DNAH14: variants seen among roughly 807,000 people sequenced by gnomAD.
DNAH14 encodes dynein axonemal heavy chain 14, also known as axonemal beta dynein heavy chain 14.
Under a neutral mutation model 520.9 loss-of-function variants are expected in DNAH14, and 478 were observed. The ratio of observed to expected loss-of-function variants is 0.92; its 90% CI spans 0.85 to 0.99. The LOEUF (loss-of-function observed/expected upper bound fraction) is 0.99. Among genes scored for constraint, DNAH14 ranks in the 50% least tolerant of loss-of-function variants. The pLI, the probability that DNAH14 is intolerant of heterozygous loss-of-function variation, is 0.00. For missense variants in DNAH14, 4,831 were observed against 5,234.5 expected, an observed-to-expected ratio of 0.92 and a Z score of 2.38; for synonymous variants, 1,581 against 1,757.2, an observed-to-expected ratio of 0.90 and a Z score of 2.51.
chr1:225,079,683 T>C, intron 18 of DNAH14, 135 bp downstream of exon 18: 1 of 642,944 alleles, frequency 1.6e-6, no homozygotes, highest in South Asian at 2.7e-5. Flanking sequence ...TTTTTTTTTT[T>C]TTTTTTTTGA....
intron 28 of DNAH14, among the ~76,000 whole-genome samples, chr1:225,141,595 T>A (rs1402356929): frequency 6.6e-6 from 1 of 152,168 alleles, no homozygotes; most frequent in African/African-American, 2.4e-5. Context: ...TTTTACTTCT[T>A]TCTGCTTTGT....
chr1:225,082,330 C>T (rs1043849281), intron 19 of DNAH14, among the ~76,000 whole-genome samples: 12 of 152,050 alleles, frequency 7.9e-5, no homozygotes, highest in African/African-American at 2.7e-4. Flanking sequence ...TTTTAGTCAC[C>T]TGTCCTTATA....
chr1:225,362,353 T>G (rs975981117), intron 75 of DNAH14, among the ~76,000 whole-genome samples: 2 of 152,194 alleles, frequency 1.3e-5, no homozygotes, highest in Admixed American at 6.5e-5. Flanking sequence ...GGCAGGCAGA[T>G]CACCTGAAGT....
At chr1:225,397,363 C>T in intron 84 of DNAH14, 1 of 152,534 alleles carries the variant, frequency 6.6e-6, no homozygotes, top group Non-Finnish European at 1.5e-5. Context: ...CCAGAGTGGA[C>T]AACACAGAAG....
chr1:225,043,553 A>G (rs548800828), intron 13 of DNAH14, among the ~76,000 whole-genome samples, 191 bp from the exon 14 acceptor site: 9 of 152,164 alleles, frequency 5.9e-5, no homozygotes, highest in Non-Finnish European at 1.3e-4. Flanking sequence ...AACATCTAGG[A>G]TGTTTGTCCT....
intron 73 of DNAH14, chr1:225,357,989 T>G: frequency 3.5e-6 from 2 of 568,558 alleles, no homozygotes; most frequent in Admixed American, 6.4e-5. Flanking sequence ...CCAAAATCTT[T>G]TAGTCCATCT....
chr1:225,373,097 T>C (rs2095637953), intron 77 of DNAH14, among the ~76,000 whole-genome samples: 1 of 149,942 alleles, frequency 6.7e-6, no homozygotes, highest in South Asian at 2.1e-4. Context: ...ATATGAATTC[T>C]TACAGCCACT....
At position 225,240,023 on chromosome 1, in the gene DNAH14, ACT is replaced by A. The variant is rs572684641; in HGVS notation, c.6519-564_6519-563del. 2.9e-3 allele frequency among the ~76,000 whole-genome samples: 446 copies of A among 152,196 alleles called. 2 individuals are homozygous for A. Among genetic ancestry groups the A allele is most frequent in the African/African-American group, 0.01 (416 of 41,538 alleles). The stretch of plus-strand genomic sequence containing the variant: ...TCTGGGTTAATCCAGAGTGGAGAAG[ACT>A]CTCTCCAGATTCAGACTGCCTGGCT... On this transcript the variant is annotated intron_variant, in intron 42 of 85. Transcript: ENST00000682510.
At chr1:225,035,750 G>T (rs1187922445) in intron 11 of DNAH14, among the ~76,000 whole-genome samples, 1 of 151,988 alleles carries the variant, frequency 6.6e-6, no homozygotes, top group East Asian at 1.9e-4. Flanking sequence ...TTTTTGATCT[G>T]ACATATGGTC....
At chr1:225,303,741 C>T (rs1031085019) in intron 57 of DNAH14, among the ~76,000 whole-genome samples, 13 of 152,088 alleles carry the variant, frequency 8.5e-5, no homozygotes, top group Non-Finnish European at 2.9e-5. Flanking sequence ...GCAGTGAGAG[C>T]ACAAGCCACA....
chr1:225,189,634 G>GA (rs996128128), intron 37 of DNAH14, among the ~76,000 whole-genome samples: 2 of 151,442 alleles, frequency 1.3e-5, no homozygotes, highest in Non-Finnish European at 3.0e-5. Context: ...CATCTTGCTT[G>GA]AAAAAATCTT....
intron 17 of DNAH14, among the ~76,000 whole-genome samples, chr1:225,054,084 G>A (rs1222582662): frequency 1.3e-5 from 2 of 152,172 alleles, no homozygotes; most frequent in Non-Finnish European, 2.9e-5. Flanking sequence ...AGACGTTAAT[G>A]CCGGGTCAGA....
chr1:225,206,203 T>G (rs2087531303), intron 40 of DNAH14, 24 bp downstream of exon 40: 4 of 1,515,200 alleles, frequency 2.6e-6, no homozygotes, highest in Non-Finnish European at 3.6e-6. Context: ...AACAAATGTT[T>G]TAACAAAGCA....
At chr1:225,038,660 T>A in intron 11 of DNAH14, 34 bp from the exon 12 acceptor site, 1 of 1,506,842 alleles carries the variant, frequency 6.6e-7, no homozygotes, top group Non-Finnish European at 8.8e-7. Context: ...AAATGATTTT[T>A]AAATGATTTT....
intron 17 of DNAH14, among the ~76,000 whole-genome samples, chr1:225,054,418 G>T (rs1035342142): frequency 6.6e-6 from 1 of 151,970 alleles, no homozygotes; most frequent in South Asian, 2.1e-4. Flanking sequence ...CCAAATGTCC[G>T]TTCTTCATTT....
intron 1 of DNAH14, among the ~76,000 whole-genome samples, chr1:224,939,905 C>T (rs1203982835): frequency 6.6e-6 from 1 of 152,134 alleles, no homozygotes; most frequent in Non-Finnish European, 1.5e-5. Context: ...GTGGATGAAT[C>T]ATTTGTCACA....
intron 84 of DNAH14, among the ~76,000 whole-genome samples, chr1:225,394,710 G>A (rs1215787886): frequency 6.6e-6 from 1 of 152,112 alleles, no homozygotes; most frequent in African/African-American, 2.4e-5. Flanking sequence ...CAGGTTGGGT[G>A]GTGCGCATGT....
intron 28 of DNAH14, among the ~76,000 whole-genome samples, 155 bp from the exon 29 acceptor site, chr1:225,144,242 T>TTA (rs2079714710): frequency 6.6e-6 from 1 of 152,238 alleles, no homozygotes; most frequent in African/African-American, 2.4e-5. Flanking sequence ...CATTGATGAG[T>TTA]TTTATATCAC....
chr1:224,995,566 T>A (rs2063341866), intron 8 of DNAH14, among the ~76,000 whole-genome samples: 1 of 152,136 alleles, frequency 6.6e-6, no homozygotes, highest in African/African-American at 2.4e-5. Flanking sequence ...CTGCACTTCC[T>A]GGATATTGGT....
Sources: allele counts gnomAD v4.1 joint callset (sites outside exome capture counted in the v4.1 genomes callset), GRCh38; gene constraint gnomAD v4.1.1; transcripts MANE v1.5; gene names NCBI Gene and HGNC (gene_info 2026-07-23, HGNC 2026-07-21).